Variants in OR2F1 observed in about 807,000 individuals in gnomAD.
OR2F1 encodes olfactory receptor 2F1.
For missense variants in OR2F1, 389 were observed against 378.2 expected (o/e 1.03, Z -0.24); for synonymous variants, 146 against 155.3 (o/e 0.94, Z 0.44).
Position 143,960,203 on chromosome 7 carries a change from T to G in OR2F1, c.233T>G (p.Val78Gly), listed in dbSNP as rs551400292. Residue 78 changes from valine (V) to glycine (G), a missense_variant, in exon 3 of 3, where the codon GTC becomes GGC. Physicochemically the swap from Val to Gly is moderately radical, Grantham distance 109 (BLOSUM62 -3). Coordinates refer to ENST00000641412, the MANE Select transcript of OR2F1 (RefSeq NM_012369.3). ...LVDVSYATSV[V>G]PQLLAHFLAE... ...GATGTCTCCTATGCCACAAGTGTAG[T>G]CCCTCAGCTGCTGGCACATTTTCTT... 1.9e-6 allele frequency: 3 copies of G among 1,614,150 alleles called. No homozygotes were observed. Among genetic ancestry groups the G allele is most frequent in the African/African-American group, 1.3e-5 (1 of 75,038 alleles).
intron 1 of OR2F1, among the ~76,000 whole-genome samples, chr7:143,958,523 A>G (rs577386637): frequency 1.3e-5 from 2 of 152,292 alleles, no homozygotes; most frequent in South Asian, 2.1e-4. Flanking sequence ...CCTTTATCAC[A>G]TAAGAGAGTT....
chr7:143,957,074 C>A (rs2050291070), intron 1 of OR2F1, among the ~76,000 whole-genome samples: 1 of 152,038 alleles, frequency 6.6e-6, no homozygotes, highest in Non-Finnish European at 1.5e-5. Context: ...ACACTTGGAG[C>A]TTTGAAGAGA....
At position 143,961,032 on chromosome 7, in the gene OR2F1, T is replaced by A; in HGVS notation, c.*108T>A. On this transcript the variant is annotated 3_prime_UTR_variant, in exon 3 of 3. Coordinates refer to ENST00000641412, the MANE Select transcript of OR2F1 (RefSeq NM_012369.3). ...CCTGGCAACCAGGAAGGAGATGACG[T>A]AGCATGTACTGTGGATGTTATGGAG... 1.3e-6 allele frequency: 1 copy of A among 784,500 alleles called. No individual in the cohort carries two copies. The highest frequency in any genetic ancestry group is 2.1e-6 in the Non-Finnish European group (1 of 481,558). 48.6% of individuals were successfully genotyped at this position (784,500 alleles called of 1,614,324 possible).
In OR2F1 at chr7:143,960,168, C is replaced by T. The variant is rs1473608808; in HGVS notation, c.198C>T (p.Leu66=). ...CCATGTATTTCTTTCTCACCAACCT[C>T]TCCCTTGTCGATGTCTCCTATGCCA... ...HTPMYFFLTN[L]SLVDVSYATS... The change falls in exon 3 of 3, where the codon CTC becomes CTT. Residue 66 remains leucine, a synonymous_variant. Coordinates refer to ENST00000641412, the MANE Select transcript of OR2F1 (RefSeq NM_012369.3). The T allele has an allele frequency of 6.2e-7, 1 of 1,614,202 alleles. No homozygotes were observed. The highest frequency in any genetic ancestry group is 1.3e-5 in the African/African-American group (1 of 75,050).
Position 143,960,410 on chromosome 7 carries a change from C to T in OR2F1, c.440C>T (p.Thr147Ile), listed in dbSNP as rs778888559. Residue 147 changes from threonine (T) to isoleucine (I), a missense_variant, in exon 3 of 3, where the codon ACA (threonine) becomes ATA (isoleucine). Thr to Ile is a moderately conservative substitution (Grantham distance 89, BLOSUM62 -1). Transcript: ENST00000641412. ...HGGLCARLAITSWVSGFISSP... is the reference protein window; with the variant it reads ...HGGLCARLAIISWVSGFISSP... Reference sequence around the variant, plus strand: ...GGGCTGTGTGCTAGGTTGGCCATCACATCCTGGGTCAGTGGCTTCATCAGC... The same window carrying T: ...GGGCTGTGTGCTAGGTTGGCCATCATATCCTGGGTCAGTGGCTTCATCAGC... The T allele has an allele frequency of 6.1e-5, 98 of 1,614,068 alleles. No individual in the cohort carries two copies. Among genetic ancestry groups the T allele is most frequent in the Non-Finnish European group, 8.3e-5 (98 of 1,180,044 alleles).
chr7:143,960,600 C>G lies in OR2F1; in HGVS notation c.630C>G (p.Pro210=). 6.2e-7 allele frequency: 1 copy of G among 1,614,188 alleles called. No homozygotes were observed. Residue 210 remains proline, a synonymous_variant, in exon 3 of 3, where the codon CCC becomes CCG. Coordinates refer to ENST00000641412, the MANE Select transcript of OR2F1 (RefSeq NM_012369.3). ...MVSSIVLLMT[P]FCLVLLSYIQ... is the part of the protein sequence containing the mutation. Reference sequence around the variant, plus strand: ...CTAGCATTGTTCTTCTGATGACACCCTTCTGCCTGGTTCTTTTGTCCTACA... The same window carrying G: ...CTAGCATTGTTCTTCTGATGACACCGTTCTGCCTGGTTCTTTTGTCCTACA...
chr7:143,958,882 A>G (rs866957856), intron 1 of OR2F1, 71 bp from the exon 2 acceptor site: 4 of 152,054 alleles, frequency 2.6e-5, no homozygotes, highest in African/African-American at 9.7e-5. Context: ...GTACTTAGAC[A>G]TCTGCTTTCT....
In OR2F1 at chr7:143,956,766, T is replaced by C. The variant is rs75050827; in HGVS notation, c.-180+1663T>C. On this transcript the variant is annotated intron_variant, in intron 1 of 2. Transcript: ENST00000641412. ...TAGGATTTTGGGAGTGAATGGAAGTTACATTAGGGAAATTTACAAGTAAGG... is the reference window on the plus strand; with the variant it reads ...TAGGATTTTGGGAGTGAATGGAAGTCACATTAGGGAAATTTACAAGTAAGG... Among the ~76,000 whole-genome samples, 2,090 of 152,180 alleles carry C rather than the reference T, an allele frequency of 0.014. 175 individuals carry two copies. The East Asian group carries it at 0.25, about 18-fold the overall frequency.
At chr7:143,956,474 T>C (rs1371911913) in intron 1 of OR2F1, among the ~76,000 whole-genome samples, 1 of 152,154 alleles carries the variant, frequency 6.6e-6, no homozygotes, top group Non-Finnish European at 1.5e-5. Flanking sequence ...ACAGCATACT[T>C]GATGGGTTAA....
rs780400017 is a variant in OR2F1 at position 143,960,041 on chromosome 7, G to A, written c.71G>A (p.Arg24Gln). ...LLGLSSDWDT[R>Q]VSLFVLFLVM... ...GGCCTGTCCAGTGACTGGGACACTC[G>A]GGTCTCCCTGTTTGTCCTGTTCTTG... Residue 24 changes from arginine (R) to glutamine (Q), a missense_variant, in exon 3 of 3, where the codon CGG becomes CAG. Arg to Gln is a conservative substitution (Grantham distance 43). Coordinates refer to ENST00000641412, the MANE Select transcript of OR2F1 (RefSeq NM_012369.3). 24 of 1,613,888 alleles carry A rather than the reference G, an allele frequency of 1.5e-5. No individual in the cohort carries two copies. The highest frequency in any genetic ancestry group is 8.0e-5 in the African/African-American group (6 of 74,864).
rs2050337936 is a variant in OR2F1 at position 143,962,612 on chromosome 7, GAAAC to G, written c.*1691_*1694del. The G allele has an allele frequency of 6.6e-6, 1 of 152,118 alleles. No homozygotes were observed. 9.4% of individuals were successfully genotyped at this position (152,118 alleles called of 1,614,324 possible). A position where few individuals can be genotyped will look rare whatever the true frequency, so the allele number is the denominator to read the frequency against. ...TCCAGAAGACAAGAAACCCAAAAAA[GAAAC>G]AACCTGTACAAAGTTGTAGAGATGT... is the stretch of plus-strand genomic sequence containing the variant. On this transcript the variant is annotated 3_prime_UTR_variant, in exon 3 of 3. Coordinates refer to ENST00000641412, the MANE Select transcript of OR2F1 (RefSeq NM_012369.3).
At chr7:143,956,105 C>T (rs1019654679) in intron 1 of OR2F1, among the ~76,000 whole-genome samples, 3 of 152,096 alleles carry the variant, frequency 2.0e-5, no homozygotes, top group Non-Finnish European at 4.4e-5. Context: ...CAATGAATGT[C>T]ACCGGTGTAG....
At position 143,960,986 on chromosome 7, in the gene OR2F1, G is replaced by C; in HGVS notation, c.*62G>C. The C allele has an allele frequency of 1.5e-6, 2 of 1,328,154 alleles. No individual in the cohort carries two copies. Among genetic ancestry groups the C allele is most frequent in the South Asian group, 2.7e-5 (2 of 73,118 alleles). 82.3% of individuals were successfully genotyped at this position (1,328,154 alleles called of 1,614,324 possible). On this transcript the variant is annotated 3_prime_UTR_variant, in exon 3 of 3. Coordinates refer to ENST00000641412, the MANE Select transcript of OR2F1 (RefSeq NM_012369.3). The stretch of plus-strand genomic sequence containing the variant: ...AGTGTTCTCCACCCAGCTGAGATCT[G>C]ACAGGTGTAAACTACATTGCCCTGG...
intron 1 of OR2F1, among the ~76,000 whole-genome samples, chr7:143,957,741 T>C (rs1188863355): frequency 6.6e-6 from 1 of 152,198 alleles, no homozygotes. Context: ...CACCTGCCTG[T>C]TTCGGCACTT....
chr7:143,960,601 T>C lies in OR2F1; in HGVS notation c.631T>C (p.Phe211Leu). The change falls in exon 3 of 3, where the codon TTC (phenylalanine) becomes CTC (leucine). Residue 211 changes from phenylalanine (F) to leucine (L), a missense_variant. Transcript: ENST00000641412. Reference sequence around the variant, plus strand: ...TAGCATTGTTCTTCTGATGACACCCTTCTGCCTGGTTCTTTTGTCCTACAT... The same window carrying C: ...TAGCATTGTTCTTCTGATGACACCCCTCTGCCTGGTTCTTTTGTCCTACAT... ...VSSIVLLMTP[F>L]CLVLLSYIQI... The C allele has an allele frequency of 1.9e-6, 3 of 1,614,218 alleles. No individual in the cohort carries two copies. Among genetic ancestry groups the C allele is most frequent in the Non-Finnish European group, 2.5e-6 (3 of 1,180,032 alleles).
Position 143,964,231 on chromosome 7 carries a change from A to G in OR2F1, c.*3307A>G, listed in dbSNP as rs1308047075. On this transcript the variant is annotated 3_prime_UTR_variant, in exon 3 of 3. Transcript: ENST00000641412. ...AATACAAAATAAGATGCTATTCTAA[A>G]CTTTATTGTTTATTTAGCCATTAAA... The G allele has an allele frequency of 6.6e-6, 1 of 152,106 alleles. No individual in the cohort carries two copies. The highest frequency in any genetic ancestry group is 2.4e-5 in the African/African-American group (1 of 41,440). 9.4% of individuals were successfully genotyped at this position (152,106 alleles called of 1,614,324 possible). A position where few individuals can be genotyped will look rare whatever the true frequency, so the allele number is the denominator to read the frequency against.
In OR2F1 at chr7:143,954,947, TG is replaced by T. The variant is rs2050274090; in HGVS notation, c.-335del. 6.6e-6 allele frequency: 1 copy of T among 152,146 alleles called. No homozygotes were observed. The highest frequency in any genetic ancestry group is 6.6e-5 in the Admixed American group (1 of 15,262). 9.4% of individuals were successfully genotyped at this position (152,146 alleles called of 1,614,324 possible). On this transcript the variant is annotated 5_prime_UTR_variant, in exon 1 of 3. An upstream start codon of the reference 5' UTR is lost. Coordinates refer to ENST00000641412, the MANE Select transcript of OR2F1 (RefSeq NM_012369.3). ...CTGTTAAATTAGAGTTTTTTTGTTA[TG>T]TAAAATGAACTGTGTGAGGAATCTA...
At chr7:143,957,546 A>G (rs2050294020) in intron 1 of OR2F1, among the ~76,000 whole-genome samples, 2 of 152,184 alleles carry the variant, frequency 1.3e-5, no homozygotes, top group Non-Finnish European at 2.9e-5. Context: ...GGGTATTTAG[A>G]ATGCTATATA....
At chr7:143,957,064 A>G (rs2116934546) in intron 1 of OR2F1, among the ~76,000 whole-genome samples, 1 of 152,320 alleles carries the variant, frequency 6.6e-6, no homozygotes, top group South Asian at 2.1e-4. Flanking sequence ...TTTCTGGAAT[A>G]CACTTGGAGC....
Sources: gnomAD v4.1 joint callset for allele counts (sites outside exome capture counted in the v4.1 genomes callset) on GRCh38, gnomAD v4.1.1 for gene constraint, MANE v1.5 for transcripts, NCBI Gene and HGNC (gene_info 2026-07-23, HGNC 2026-07-21) for gene names.